Variants in TJP2 observed in about 807,000 individuals in gnomAD.
The protein encoded by TJP2 is Friedreich ataxia region gene X104 (tight junction protein ZO-2).
TJP2 carries 91 observed loss-of-function variants against 133.1 expected under a neutral mutation model. The ratio of observed to expected loss-of-function variants is 0.68; its 90% confidence interval spans 0.58 to 0.81. TJP2 has a LOEUF of 0.81. Ranked by LOEUF, TJP2 falls within the 40% of genes least tolerant of loss-of-function variation. TJP2 has a pLI of 0.00. For synonymous variants in TJP2, 592 were observed against 583.4 expected, an observed-to-expected ratio of 1.01 and a Z score of -0.21; for missense variants, 1,541 against 1,565.6, an observed-to-expected ratio of 0.98 and a Z score of 0.26.
At chr9:69,218,950 G>T (rs1828594346) in intron 4 of TJP2, among the ~76,000 whole-genome samples, 4 of 150,464 alleles carry the variant, frequency 2.7e-5, no homozygotes. Flanking sequence ...CCACATATAT[G>T]GTTGTGTGTG....
At chr9:69,253,956 T>G (rs765451148) in intron 22 of TJP2, 2 of 532,368 alleles carry the variant, frequency 3.8e-6, no homozygotes, top group Non-Finnish European at 6.8e-6. Context: ...GGGCACCCCC[T>G]GTCCAACAGG....
At chr9:69,151,000 G>C (rs1482482708) in intron 1 of TJP2, among the ~76,000 whole-genome samples, 1 of 152,174 alleles carries the variant, frequency 6.6e-6, no homozygotes, top group Non-Finnish European at 1.5e-5. Context: ...AGTAAAAGAA[G>C]GCAGTCACAA....
intron 1 of TJP2, chr9:69,205,105 A>C: frequency 6.5e-7 from 1 of 1,534,542 alleles, no homozygotes; most frequent in Non-Finnish European, 8.7e-7. Flanking sequence ...GAGTGATGGA[A>C]ATGGGTGAGC....
At chr9:69,222,237 C>T (rs567261925) in intron 5 of TJP2, among the ~76,000 whole-genome samples, 14 of 149,584 alleles carry the variant, frequency 9.4e-5, no homozygotes, top group Admixed American at 5.4e-4. Context: ...AGTGCAGTGG[C>T]ATGATCTCGG....
At chr9:69,203,968 A>G (rs1019269255) in intron 1 of TJP2, among the ~76,000 whole-genome samples, 2 of 152,180 alleles carry the variant, frequency 1.3e-5, no homozygotes, top group Non-Finnish European at 2.9e-5. Context: ...TTTAACTGTC[A>G]TAACATGAAG....
At chr9:69,189,055 A>T (rs2133051558) in intron 1 of TJP2, among the ~76,000 whole-genome samples, 1 of 152,364 alleles carries the variant, frequency 6.6e-6, no homozygotes, top group South Asian at 2.1e-4. Context: ...GCTATCAGAC[A>T]GCCACACTTT....
intron 9 of TJP2, among the ~76,000 whole-genome samples, chr9:69,228,963 CA>C (rs1829557146): frequency 6.6e-6 from 1 of 151,836 alleles, no homozygotes; most frequent in African/African-American, 2.4e-5. Context: ...TGTGATTGTA[CA>C]CCTTGCATTT....
rs1830378329 is a variant in TJP2 at position 69,238,758 on chromosome 9, G to A, written c.2324G>A (p.Arg775Gln). 2 of 1,613,912 alleles carry A rather than the reference G, an allele frequency of 1.2e-6. No individual in the cohort carries two copies. The highest frequency in any genetic ancestry group is 1.3e-5 in the African/African-American group (1 of 75,014). The part of the protein sequence containing the change: ...AGSEKSTGVV[R>Q]LNTVRQIIEQ... ...TCTGAGAAATCCACTGGAGTGGTCC[G>A]GTTAAATACCGTGAGGCAAATTATT... Residue 775 changes from arginine (R) to glutamine (Q), a missense_variant, in exon 16 of 23, where the codon CGG becomes CAG. By Grantham distance (43) the Arg-to-Gln change is conservative (BLOSUM62 1). Coordinates refer to ENST00000377245, the MANE Select transcript of TJP2 (RefSeq NM_004817.4).
At chr9:69,219,095 G>A (rs1054966003) in intron 4 of TJP2, among the ~76,000 whole-genome samples, 2 of 151,582 alleles carry the variant, frequency 1.3e-5, no homozygotes, top group African/African-American at 2.4e-5. Context: ...TCAGCCTCCC[G>A]AGTAGCTGGG....
chr9:69,173,996 G>C (rs1018526334), upstream of TJP2: 2 of 984,982 alleles, frequency 2.0e-6, no homozygotes, highest in African/African-American at 3.5e-5. Flanking sequence ...GGGCCGCTCG[G>C]GCCTTGGGCT....
chr9:69,227,799 T>C lies in TJP2; in HGVS notation c.1245T>C (p.Ser415=). 1 of 1,613,742 alleles carries C rather than the reference T, an allele frequency of 6.2e-7. No homozygotes were observed. The highest frequency in any genetic ancestry group is 8.5e-7 in the Non-Finnish European group (1 of 1,179,724). ...ISEIESNRSF[S]PEERRHQYSD... The stretch of plus-strand genomic sequence containing the variant: ...AAATAGAGTCAAACCGATCATTTTC[T>C]CCAGAGGAGAGACGTCATCAGTATT... The change falls in exon 8 of 23, where the codon TCT becomes TCC. Residue 415 remains serine, a synonymous_variant. Transcript: ENST00000377245.
intron 1 of TJP2, among the ~76,000 whole-genome samples, chr9:69,188,740 A>C (rs1283593049): frequency 6.6e-6 from 1 of 152,226 alleles, no homozygotes; most frequent in Admixed American, 6.5e-5. Context: ...GTATACAGCT[A>C]GCTAAAACCA....
intron 3 of TJP2, 66 bp from the exon 4 acceptor site, chr9:69,218,191 T>C (rs1369429308): frequency 2.3e-6 from 3 of 1,330,660 alleles, no homozygotes; most frequent in Non-Finnish European, 3.2e-6. Flanking sequence ...TATTTGTTCC[T>C]AAATAAATAA....
intron 1 of TJP2, among the ~76,000 whole-genome samples, chr9:69,202,585 T>C (rs1045790681): frequency 1.3e-5 from 2 of 152,238 alleles, no homozygotes; most frequent in African/African-American, 4.8e-5. Context: ...ATATGCTATA[T>C]GTATTATATA....
intron 1 of TJP2, 151 bp downstream of exon 1, chr9:69,174,583 G>GA (rs1311067194): frequency 1.0e-6 from 1 of 1,004,006 alleles, no homozygotes; most frequent in Non-Finnish European, 1.5e-6. Context: ...GGACGCAGGG[G>GA]AGGGGTAGGT....
intron 2 of TJP2, among the ~76,000 whole-genome samples, chr9:69,158,694 C>T (rs961493366): frequency 1.3e-5 from 2 of 152,106 alleles, no homozygotes; most frequent in African/African-American, 4.8e-5. Context: ...CTCAAGCAAT[C>T]CTCCTGCTTC....
intron 1 of TJP2, among the ~76,000 whole-genome samples, chr9:69,147,780 T>C (rs998572288): frequency 2.0e-5 from 3 of 152,184 alleles, no homozygotes; most frequent in Admixed American, 2.0e-4. Flanking sequence ...TAAGGGAAGT[T>C]GAATGTGCCT....
intron 1 of TJP2, among the ~76,000 whole-genome samples, chr9:69,195,581 G>T (rs61074083): frequency 6.6e-6 from 1 of 151,940 alleles, no homozygotes; most frequent in Non-Finnish European, 1.5e-5. Flanking sequence ...GTAGGGTTAG[G>T]GTATAGGGTT....
intron 1 of TJP2, among the ~76,000 whole-genome samples, chr9:69,140,774 A>G (rs967559769): frequency 6.6e-6 from 1 of 152,230 alleles, no homozygotes; most frequent in African/African-American, 2.4e-5. Flanking sequence ...CATAGTAGAA[A>G]CAGCGTAGGA....
Sources: gnomAD v4.1 joint callset for allele counts (sites outside exome capture counted in the v4.1 genomes callset) on GRCh38, gnomAD v4.1.1 for gene constraint, MANE v1.5 for transcripts, NCBI Gene and HGNC (gene_info 2026-07-23, HGNC 2026-07-21) for gene names.